DIP2B: variants seen among roughly 807,000 people sequenced by gnomAD.
DIP2B encodes the protein disco-interacting protein 2 homolog B.
DIP2B carries 76 observed loss-of-function variants against 198.0 expected under a neutral mutation model. The ratio of observed to expected loss-of-function variants is 0.38; its 90% CI spans 0.32 to 0.46. The LOEUF is 0.46. DIP2B is among the 20% of genes least tolerant of loss of function. The pLI is 0.99. For synonymous variants in DIP2B, 701 were observed against 739.1 expected (o/e 0.95, Z 0.84); for missense variants, 1,559 against 1,978.4 (o/e 0.79, Z 4.02).
At chr12:50,520,622 ACTT>A (rs1443983236) in intron 1 of DIP2B, among the ~76,000 whole-genome samples, 1 of 152,096 alleles carries the variant, frequency 6.6e-6, no homozygotes, top group Non-Finnish European at 1.5e-5. Flanking sequence ...TAAAAAAACA[ACTT>A]CTCCATTTGT....
At position 50,699,113 on chromosome 12, in the gene DIP2B, A is replaced by G. The variant is rs1422579736; in HGVS notation, c.2236A>G (p.Thr746Ala). 1 of 1,614,084 alleles carries G rather than the reference A, an allele frequency of 6.2e-7. No homozygotes were observed. Among genetic ancestry groups the G allele is most frequent in the Non-Finnish European group, 8.5e-7 (1 of 1,180,038 alleles). ...KPDGPPQLCK[T>A]DEIGEICVSS... ...AGATGGACCTCCCCAGCTCTGCAAA[A>G]CAGATGAAATTGGAGAAATCTGTGT... Residue 746 changes from threonine (T) to alanine (A), a missense_variant, in exon 19 of 38, where the codon ACA becomes GCA. Physicochemically the swap from Thr to Ala is moderately conservative, Grantham distance 58. Transcript: ENST00000301180.
chr12:50,593,721 CTCTCCTCT>C (rs1958843358), intron 1 of DIP2B, among the ~76,000 whole-genome samples: 2 of 4,068 alleles, frequency 4.9e-4, no homozygotes, highest in Non-Finnish European at 7.5e-4. Context: ...CTCTCCTCTC[CTCTCCTCT>C]CCTCTCCTCT....
Position 50,505,022 on chromosome 12 carries a change from C to CGGTGGTGCTGGT in DIP2B, c.-115_-114insGTGCTGGTGGTG. The CGGTGGTGCTGGT allele has an allele frequency of 1.0e-6, 1 of 1,001,186 alleles. No individual in the cohort carries two copies. Among genetic ancestry groups the CGGTGGTGCTGGT allele is most frequent in the Non-Finnish European group, 1.4e-6 (1 of 691,988 alleles). 62.0% of individuals were successfully genotyped at this position (1,001,186 alleles called of 1,614,324 possible). A position where few individuals can be genotyped will look rare whatever the true frequency, so the allele number is the denominator to read the frequency against. ...CTCATGGCGGCGGCGGCGGCGGCGG[C>CGGTGGTGCTGGT]GGTGCTGGTGGTGCTCGGCGGCCGG... On this transcript the variant is annotated 5_prime_UTR_variant, in exon 1 of 38. Transcript: ENST00000301180.
chr12:50,688,733 G>T (rs1421241265), intron 12 of DIP2B, among the ~76,000 whole-genome samples: 1 of 152,208 alleles, frequency 6.6e-6, no homozygotes, highest in East Asian at 1.9e-4. Context: ...TCTCAGTGAT[G>T]ACATGGTTCA....
rs543739160 is a variant in DIP2B, at chr12:50,612,552, C to G, written c.101-13424C>G. ...CAAGTGATTCTCCTGCCTCAGCCTC[C>G]TGAATACCTGAGATTACAGGTGTGC... On this transcript the variant is annotated intron_variant, in intron 1 of 37. Coordinates refer to ENST00000301180, the MANE Select transcript of DIP2B (RefSeq NM_173602.3). Among the ~76,000 whole-genome samples, 47 of 152,054 alleles carry G rather than the reference C, an allele frequency of 3.1e-4. 2 individuals carry two copies. The South Asian group carries it at 9.6e-3, about 31-fold the overall frequency.
chr12:50,570,183 G>A (rs571709759), intron 1 of DIP2B, among the ~76,000 whole-genome samples: 3 of 152,064 alleles, frequency 2.0e-5, no homozygotes, highest in African/African-American at 4.8e-5. Flanking sequence ...TTAGATATCC[G>A]ATTTAAAATC....
At chr12:50,634,346 T>C (rs564025858) in intron 2 of DIP2B, among the ~76,000 whole-genome samples, 1 of 152,364 alleles carries the variant, frequency 6.6e-6, no homozygotes, top group South Asian at 2.1e-4. Context: ...GCAATTTCCC[T>C]GTGCTGGTCC....
At chr12:50,726,868 T>C (rs920343447) in intron 28 of DIP2B, among the ~76,000 whole-genome samples, 9 of 152,066 alleles carry the variant, frequency 5.9e-5, no homozygotes, top group African/African-American at 2.2e-4. Context: ...ATGCCAGCAC[T>C]CTGAGAGGCT....
chr12:50,565,309 T>G (rs1005476046), intron 1 of DIP2B, among the ~76,000 whole-genome samples: 7 of 152,130 alleles, frequency 4.6e-5, no homozygotes, highest in Non-Finnish European at 1.0e-4. Context: ...GCCACTATTT[T>G]TTTTTTTGAG....
intron 28 of DIP2B, 148 bp downstream of exon 28, chr12:50,725,034 G>A (rs1162285303): frequency 5.4e-6 from 4 of 743,360 alleles, no homozygotes; most frequent in Non-Finnish European, 9.2e-6. Flanking sequence ...GTAAGCTTGT[G>A]CAGGACTAGA....
Position 50,711,148 on chromosome 12 carries a change from G to A in DIP2B, c.2649+2586G>A, listed in dbSNP as rs1430461706. On this transcript the variant is annotated intron_variant, in intron 22 of 37. Transcript: ENST00000301180. ...ATCCAAACTCTTGTGAAAGTCACTT[G>A]GGTTCCAATTTGGGCATGAGATAAC... Among the ~76,000 whole-genome samples the A allele has an allele frequency of 2.6e-5, 4 of 152,194 alleles. No homozygotes were observed. In the South Asian group the frequency reaches 6.2e-4, roughly 24 times the overall value.
intron 1 of DIP2B, among the ~76,000 whole-genome samples, chr12:50,621,963 A>G (rs1021833899): frequency 1.3e-5 from 2 of 152,208 alleles, no homozygotes; most frequent in Non-Finnish European, 2.9e-5. Context: ...ATTAATATCC[A>G]GGATGCCAAA....
At chr12:50,588,113 A>G (rs1390631742) in intron 1 of DIP2B, among the ~76,000 whole-genome samples, 1 of 151,912 alleles carries the variant, frequency 6.6e-6, no homozygotes, top group Non-Finnish European at 1.5e-5. Context: ...AGTGTTAGAA[A>G]TTGATTTGTT....
chr12:50,618,515 A>G (rs1434022718), intron 1 of DIP2B, among the ~76,000 whole-genome samples: 1 of 152,220 alleles, frequency 6.6e-6, no homozygotes, highest in Non-Finnish European at 1.5e-5. Context: ...ACCTAACCCA[A>G]GAGCAACTTT....
intron 12 of DIP2B, among the ~76,000 whole-genome samples, chr12:50,689,427 A>G (rs966832168): frequency 2.6e-5 from 4 of 152,150 alleles, no homozygotes; most frequent in African/African-American, 9.7e-5. Context: ...GCCCAAGCTT[A>G]TGGTAGAGAG....
At chr12:50,683,047 C>T in intron 9 of DIP2B, 91 bp from the exon 10 acceptor site, 1 of 1,087,414 alleles carries the variant, frequency 9.2e-7, no homozygotes, top group Non-Finnish European at 1.3e-6. Context: ...TTATTGTGTT[C>T]ATGATAAATA....
At chr12:50,571,470 G>A (rs1449610319) in intron 1 of DIP2B, among the ~76,000 whole-genome samples, 7 of 150,986 alleles carry the variant, frequency 4.6e-5, no homozygotes, top group Non-Finnish European at 7.4e-5. Flanking sequence ...ACCACACCCC[G>A]CCTATTGGCA....
intron 1 of DIP2B, among the ~76,000 whole-genome samples, chr12:50,618,270 G>A (rs568589125): frequency 1.3e-5 from 2 of 152,298 alleles, no homozygotes; most frequent in East Asian, 3.9e-4. Flanking sequence ...TCCATGAGGT[G>A]ACTATCAACC....
chr12:50,656,084 A>ATT (rs1938549963), intron 3 of DIP2B, among the ~76,000 whole-genome samples: 1 of 152,240 alleles, frequency 6.6e-6, no homozygotes, highest in East Asian at 1.9e-4. Flanking sequence ...GAAGGGAATT[A>ATT]TAAGTGGAAA....
Sources: gnomAD v4.1 joint callset for allele counts (sites outside exome capture counted in the v4.1 genomes callset) on GRCh38, gnomAD v4.1.1 for gene constraint, MANE v1.5 for transcripts, NCBI Gene and HGNC (gene_info 2026-07-23, HGNC 2026-07-21) for gene names.